Variants in CLK2 observed in about 807,000 individuals in gnomAD.
The protein encoded by CLK2 is dual specificity protein kinase CLK2.
Under a neutral mutation model 73.5 loss-of-function variants are expected in CLK2, and 12 were observed. The ratio of observed to expected loss-of-function variants is 0.16; its 90% CI spans 0.10 to 0.26. The LOEUF is 0.26. CLK2 is among the 10% of genes least tolerant of loss of function. The probability of loss-of-function intolerance (pLI) is 1.00; values close to 1 mark genes in which losing one functional copy is unlikely to be tolerated. For missense variants in CLK2, 509 were observed against 688.4 expected, an observed-to-expected ratio of 0.74 and a Z score of 2.92; for synonymous variants, 232 against 237.9, an observed-to-expected ratio of 0.98 and a Z score of 0.23.
chr1:155,266,402 G>A (rs1222503196), intron 7 of CLK2, among the ~76,000 whole-genome samples: 1 of 152,180 alleles, frequency 6.6e-6, no homozygotes, highest in Non-Finnish European at 1.5e-5. Flanking sequence ...ACCCTAAGGA[G>A]TGTATTTTTG....
At chr1:155,263,728 G>C in intron 12 of CLK2, 1 of 985,268 alleles carries the variant, frequency 1.0e-6, no homozygotes, top group Middle Eastern at 5.2e-4. Flanking sequence ...CCAGGACATT[G>C]CTTTGATCTC....
At chr1:155,269,441 G>A in intron 3 of CLK2, 47 bp downstream of exon 3, 3 of 1,523,282 alleles carry the variant, frequency 2.0e-6, no homozygotes, top group Non-Finnish European at 1.8e-6. Context: ...GAGTCCTAGA[G>A]GGCCTGCAGA....
chr1:155,265,349 C>A (rs7355033), intron 8 of CLK2, among the ~76,000 whole-genome samples: 3 of 152,172 alleles, frequency 2.0e-5, no homozygotes, highest in Non-Finnish European at 2.9e-5. Flanking sequence ...GGCAGATCAC[C>A]TGAGGTTAGG....
At chr1:155,264,931 C>T (rs1212635287) in intron 8 of CLK2, among the ~76,000 whole-genome samples, 157 bp from the exon 9 acceptor site, 1 of 152,164 alleles carries the variant, frequency 6.6e-6, no homozygotes, top group Non-Finnish European at 1.5e-5. Context: ...CCACCACATC[C>T]AGCATAATAC....
rs1673036824 is a variant in CLK2, at chr1:155,262,909, G to A, written c.*309C>T. On this transcript the variant is annotated 3_prime_UTR_variant, in exon 13 of 13. Transcript: ENST00000368361. ...CACGTTATTTTATTTCACAAAGACT[G>A]TACAAAATTCCTTATAAAACATGGG... The A allele has an allele frequency of 6.4e-6, 2 of 312,930 alleles. No individual in the cohort carries two copies. Among genetic ancestry groups the A allele is most frequent in the East Asian group, 1.1e-4 (2 of 18,628 alleles). The allele number at this position is 312,930 out of a possible 1,614,324, so 19.4% of individuals were successfully genotyped here. A position where few individuals can be genotyped will look rare whatever the true frequency, so the allele number is the denominator to read the frequency against.
chr1:155,265,532 A>T (rs916490606), intron 8 of CLK2, among the ~76,000 whole-genome samples: 1 of 148,532 alleles, frequency 6.7e-6, no homozygotes, highest in African/African-American at 2.5e-5. Context: ...ATGCCACTGC[A>T]CATCAGTCTG....
intron 3 of CLK2, 65 bp downstream of exon 3, chr1:155,269,423 A>C: frequency 7.1e-7 from 1 of 1,400,756 alleles, no homozygotes; most frequent in Non-Finnish European, 1.0e-6. Flanking sequence ...GATACTGCTC[A>C]CTTACCAGAG....
chr1:155,270,797 T>A lies in CLK2; in HGVS notation c.170+11A>T. 6.2e-7 allele frequency: 1 copy of A among 1,600,188 alleles called. No homozygotes were observed. The highest frequency in any genetic ancestry group is 1.1e-5 in the South Asian group (1 of 90,854). ...GACCCTGTGTTTGAGTATCTCTTCC[T>A]GAGGCCTCACCTTCGAGAACGGACA... On this transcript the variant is annotated intron_variant, in intron 2 of 12. Coordinates refer to ENST00000368361, the MANE Select transcript of CLK2 (RefSeq NM_001294338.2).
chr1:155,263,417 G>A lies in CLK2; in HGVS notation c.1318-17C>T. On this transcript the variant is annotated splice_polypyrimidine_tract_variant and intron_variant, in intron 12 of 12. Coordinates refer to ENST00000368361, the MANE Select transcript of CLK2 (RefSeq NM_001294338.2). ...CAGATACCGCTGGTGGAGGAGGGCA[G>A]GAAAAAGGTGAGGCAGGATGCCTTA... The A allele has an allele frequency of 5.6e-6, 9 of 1,612,938 alleles. No homozygotes were observed. Among genetic ancestry groups the A allele is most frequent in the Non-Finnish European group, 7.6e-6 (9 of 1,179,720 alleles).
intron 1 of CLK2, among the ~76,000 whole-genome samples, chr1:155,272,799 A>G (rs1432286032): frequency 2.0e-5 from 3 of 152,104 alleles, no homozygotes; most frequent in Non-Finnish European, 4.4e-5. Context: ...CTCAAGTTTG[A>G]AATCTTTTGC....
chr1:155,263,273 A>C lies in CLK2; in HGVS notation c.1445T>G (p.Leu482Arg), dbSNP rs1205035966. The change falls in exon 13 of 13, where the codon CTT becomes CGT. Residue 482 changes from leucine to arginine, a missense_variant. By Grantham distance (102) the Leu-to-Arg change is moderately radical. This residue lies in a region of CLK2 where 134 missense variants were observed against 146.0 expected (regional missense o/e 0.92). Coordinates refer to ENST00000368361, the MANE Select transcript of CLK2 (RefSeq NM_001294338.2). Reference sequence around the variant, plus strand: ...CAACTTGTTGGGCGGCTCAGCCCGAAGGCGGGCGAAGAAAGGATGCTGAAG... The same window carrying C: ...CAACTTGTTGGGCGGCTCAGCCCGACGGCGGGCGAAGAAAGGATGCTGAAG... ...EALQHPFFAR[L>R]RAEPPNKLWD... 6.2e-7 allele frequency: 1 copy of C among 1,614,152 alleles called. No homozygotes were observed. The highest frequency in any genetic ancestry group is 2.2e-5 in the East Asian group (1 of 44,892).
Position 155,266,814 on chromosome 1 carries a change from G to A in CLK2, c.753C>T (p.Phe251=). The A allele has an allele frequency of 1.2e-6, 2 of 1,613,056 alleles. No homozygotes were observed. The highest frequency in any genetic ancestry group is 1.7e-6 in the Non-Finnish European group (2 of 1,179,646). Residue 251 remains phenylalanine (F), a synonymous_variant, in exon 7 of 13, where the codon TTC becomes TTT. Coordinates refer to ENST00000368361, the MANE Select transcript of CLK2 (RefSeq NM_001294338.2). The part of the protein sequence containing the change: ...ISFELLGLST[F]DFLKDNNYLP... ...GGTAGTTGTTGTCTTTGAGGAAATCGAAGGTGCTAAGGCCCAGAAGCTCAA... is the reference window on the plus strand; with the variant it reads ...GGTAGTTGTTGTCTTTGAGGAAATCAAAGGTGCTAAGGCCCAGAAGCTCAA...
At chr1:155,272,362 G>T (rs1015699987) in intron 1 of CLK2, among the ~76,000 whole-genome samples, 2 of 152,106 alleles carry the variant, frequency 1.3e-5, no homozygotes, top group African/African-American at 2.4e-5. Context: ...CTGACAGCTG[G>T]CCACCTTCCA....
At chr1:155,265,209 C>T (rs1334891496) in intron 8 of CLK2, among the ~76,000 whole-genome samples, 3 of 152,168 alleles carry the variant, frequency 2.0e-5, no homozygotes, top group Admixed American at 6.6e-5. Context: ...GGTCTGAGAT[C>T]TCCATTATCT....
intron 8 of CLK2, 147 bp from the exon 9 acceptor site, chr1:155,264,921 C>T: frequency 2.3e-6 from 2 of 868,540 alleles, no homozygotes; most frequent in Non-Finnish European, 3.5e-6. Context: ...TTTACAGCTT[C>T]CACCACATCC....
intron 6 of CLK2, 33 bp from the exon 7 acceptor site, chr1:155,266,928 T>C (rs771835934): frequency 6.2e-7 from 1 of 1,609,190 alleles, no homozygotes; most frequent in South Asian, 1.1e-5. Context: ...GGGGGTTGTC[T>C]GATGAGCTCC....
At chr1:155,269,118 CT>C (rs1673368984) in intron 3 of CLK2, 1 of 576,630 alleles carries the variant, frequency 1.7e-6, no homozygotes, top group Non-Finnish European at 3.1e-6. Context: ...CAGATCTCCC[CT>C]TGCCCCCACC....
intron 2 of CLK2, among the ~76,000 whole-genome samples, chr1:155,270,206 A>C (rs1334670696): frequency 2.0e-5 from 3 of 148,866 alleles, no homozygotes; most frequent in East Asian, 4.0e-4. Context: ...AAAAATACAA[A>C]AAAAAAAAAA....
chr1:155,266,636 G>T, intron 7 of CLK2, 93 bp downstream of exon 7: 1 of 1,336,096 alleles, frequency 7.5e-7, no homozygotes, highest in South Asian at 1.5e-5. Context: ...ACAGACAGCT[G>T]ACTGTTTAGG....
Sources: gnomAD v4.1 joint callset for allele counts (sites outside exome capture counted in the v4.1 genomes callset) on GRCh38, gnomAD v4.1.1 for gene constraint, gnomAD v4.1.1 regional missense constraint, MANE v1.5 for transcripts, NCBI Gene and HGNC (gene_info 2026-07-23, HGNC 2026-07-21) for gene names.